Variants in STK3 observed in about 807,000 individuals in gnomAD.
The protein encoded by STK3 is serine/threonine-protein kinase 3.
A neutral mutation model predicts 58.0 loss-of-function variants in STK3; 41 were observed. The ratio of observed to expected loss-of-function variants is 0.71; its 90% confidence interval spans 0.55 to 0.92. STK3 has a LOEUF of 0.92. Ranked by LOEUF, STK3 falls within the 40% of genes least tolerant of loss-of-function variation. STK3 has a pLI of 0.00. For missense variants in STK3, 479 were observed against 602.7 expected (o/e 0.79, Z 2.15); for synonymous variants, 170 against 191.0 (o/e 0.89, Z 0.91).
chr8:98,666,228 T>A (rs1822355042), intron 6 of STK3, among the ~76,000 whole-genome samples: 1 of 151,916 alleles, frequency 6.6e-6, no homozygotes, highest in South Asian at 2.1e-4. Flanking sequence ...TTCTGATTCA[T>A]CCAAGGACAT....
intron 1 of STK3, among the ~76,000 whole-genome samples, chr8:98,922,478 G>A (rs1839603181): frequency 1.3e-5 from 2 of 152,050 alleles, no homozygotes; most frequent in Non-Finnish European, 2.9e-5. Flanking sequence ...TTCATAACTG[G>A]GACTTTTCTT....
In STK3 at chr8:98,730,678, T is replaced by C. The variant is rs1345214681; in HGVS notation, c.351+18598A>G. ...TTGCAGTGGGCCAAGATAGTGCCAC[T>C]GCACTCCAGCCTGAACAACAGGGCA... On this transcript the variant is annotated intron_variant, in intron 4 of 10. Transcript: ENST00000419617. 6.0e-5 allele frequency among the ~76,000 whole-genome samples: 8 copies of C among 133,050 alleles called. No homozygotes were observed. The Admixed American group carries it at 7.2e-4, about 12-fold the overall frequency. The allele number at this position is 133,050 out of a possible 152,430, so 87.3% of individuals were successfully genotyped here.
intron 3 of STK3, among the ~76,000 whole-genome samples, chr8:98,416,433 G>A (rs531177248): frequency 1.7e-5 from 2 of 117,922 alleles, no homozygotes; most frequent in African/African-American, 6.6e-5. Context: ...TAATTAGAAT[G>A]AATGTAATGT....
At chr8:98,358,387 C>T in the STK3 span, among the ~76,000 whole-genome samples, 3 of 152,012 alleles carry the variant, frequency 2.0e-5, no homozygotes, top group South Asian at 6.2e-4. Flanking sequence ...ACCCTGCTGT[C>T]CAAAAAAAGA....
At chr8:98,841,509 C>T (rs1487364149) in intron 3 of STK3, among the ~76,000 whole-genome samples, 2 of 151,272 alleles carry the variant, frequency 1.3e-5, no homozygotes, top group African/African-American at 4.9e-5. Context: ...ACCATTTCAC[C>T]TTAAGAACTC....
At chr8:98,649,790 T>A (rs1300672534) in intron 6 of STK3, among the ~76,000 whole-genome samples, 1 of 152,208 alleles carries the variant, frequency 6.6e-6, no homozygotes, top group Non-Finnish European at 1.5e-5. Flanking sequence ...CAATTTTTGG[T>A]AAAAGATTAT....
At chr8:98,572,357 A>C in intron 8 of STK3, among the ~76,000 whole-genome samples, 1 of 152,184 alleles carries the variant, frequency 6.6e-6, no homozygotes, top group Admixed American at 6.5e-5. Flanking sequence ...GTCAAAAATG[A>C]ATGTAAATTT....
chr8:98,924,708 A>C (rs992126615), intron 1 of STK3, among the ~76,000 whole-genome samples: 1 of 152,254 alleles, frequency 6.6e-6, no homozygotes, highest in Non-Finnish European at 1.5e-5. Flanking sequence ...ACTGAGGAAC[A>C]AACCTGAGGC....
chr8:98,712,517 A>C lies in STK3; in HGVS notation c.352-5206T>G, dbSNP rs555365601. On this transcript the variant is annotated intron_variant, in intron 4 of 10. Transcript: ENST00000419617. ...TGATAAAACAGACGTTAAACCAACAAAGATCAAAAGAGACAAAGAAGGCCA... is the reference window on the plus strand; with the variant it reads ...TGATAAAACAGACGTTAAACCAACACAGATCAAAAGAGACAAAGAAGGCCA... Among the ~76,000 whole-genome samples, 17 of 151,400 alleles carry C rather than the reference A, an allele frequency of 1.1e-4. No homozygotes were observed. The East Asian group carries it at 3.3e-3, about 29-fold the overall frequency.
intron 8 of STK3, among the ~76,000 whole-genome samples, chr8:98,567,730 A>G (rs1812608931): frequency 6.6e-6 from 1 of 152,154 alleles, no homozygotes; most frequent in Admixed American, 6.6e-5. Flanking sequence ...TTATAGATTT[A>G]TAAAGAGATC....
chr8:98,735,879 T>C (rs933627311), intron 4 of STK3, among the ~76,000 whole-genome samples: 1 of 152,182 alleles, frequency 6.6e-6, no homozygotes, highest in African/African-American at 2.4e-5. Flanking sequence ...AGGAAAAGTA[T>C]AGATCAGATT....
chr8:98,754,449 G>A (rs910037930), intron 3 of STK3, among the ~76,000 whole-genome samples: 7 of 151,336 alleles, frequency 4.6e-5, no homozygotes, highest in Non-Finnish European at 4.4e-5. Context: ...CCAGAGTTAA[G>A]CTTCACTCTA....
At chr8:98,722,940 A>G in intron 4 of STK3, 1 of 492,362 alleles carries the variant, frequency 2.0e-6, no homozygotes, top group Non-Finnish European at 4.0e-6. Flanking sequence ...CACAGCTAGC[A>G]CTTCCTTCAG....
intron 3 of STK3, among the ~76,000 whole-genome samples, chr8:98,846,758 G>A (rs978322596): frequency 3.7e-4 from 56 of 151,974 alleles, no homozygotes; most frequent in African/African-American, 1.3e-3. Context: ...TGTACCATAT[G>A]TCCACTGGAT....
At chr8:98,399,813 G>C (rs1243901206), downstream of STK3, among the ~76,000 whole-genome samples, 1 of 152,206 alleles carries the variant, frequency 6.6e-6, no homozygotes, top group East Asian at 1.9e-4. Context: ...GTGGCTTACA[G>C]GAGGCCATGG....
chr8:98,721,987 T>C (rs1369517218), intron 4 of STK3, among the ~76,000 whole-genome samples: 1 of 152,068 alleles, frequency 6.6e-6, no homozygotes, highest in African/African-American at 2.4e-5. Context: ...AATACAGACT[T>C]AGAGACTCAT....
rs183430354 is a variant in STK3 at position 98,595,779 on chromosome 8, A to C, written c.822+253T>G. 3.7e-3 allele frequency: 1,273 copies of C among 341,494 alleles called. 7 individuals are homozygous for C. Among genetic ancestry groups the C allele is most frequent in the Non-Finnish European group, 3.8e-3 (711 of 186,586 alleles). The allele number at this position is 341,494 out of a possible 1,614,324, so 21.2% of individuals were successfully genotyped here. On this transcript the variant is annotated intron_variant, in intron 7 of 10. Transcript: ENST00000419617. The stretch of plus-strand genomic sequence containing the variant: ...AGTCAAGGAACAGAAGAAAAAAAAA[A>C]CATGAGAAATAGTAACTATGAAGAC...
At chr8:98,411,037 C>T (rs975866862) in intron 3 of STK3, among the ~76,000 whole-genome samples, 2 of 152,190 alleles carry the variant, frequency 1.3e-5, no homozygotes, top group Non-Finnish European at 2.9e-5. Context: ...TTGGTTTCAA[C>T]ACTTAGATGA....
intron 10 of STK3, among the ~76,000 whole-genome samples, chr8:98,519,328 CTTAAG>C (rs1825178113): frequency 1.3e-5 from 2 of 152,114 alleles, no homozygotes; most frequent in African/African-American, 4.8e-5. Flanking sequence ...ATGCTGCTGG[CTTAAG>C]TTTTTACCTT....
Sources: allele counts gnomAD v4.1 joint callset (sites outside exome capture counted in the v4.1 genomes callset), GRCh38; gene constraint gnomAD v4.1.1; transcripts MANE v1.5; gene names NCBI Gene and HGNC (gene_info 2026-07-23, HGNC 2026-07-21).